Variants in GNB1 observed in about 807,000 individuals in gnomAD.
The protein encoded by GNB1 is guanine nucleotide-binding protein G(I)/G(S)/G(T) subunit beta-1.
Under a neutral mutation model 42.9 loss-of-function variants are expected in GNB1, and 2 were observed. That is an observed-to-expected ratio of 0.05 (90% CI 0.02 to 0.15). The LOEUF is 0.15. Among genes scored for constraint, GNB1 ranks in the 10% least tolerant of loss-of-function variants. The pLI is 1.00. For missense variants in GNB1, 193 were observed against 462.2 expected (o/e 0.42, Z 5.34); for synonymous variants, 183 against 174.7 (o/e 1.05, Z -0.38).
chr1:1,840,530 AAC>A (rs1256014597), intron 1 of GNB1, among the ~76,000 whole-genome samples: 1 of 152,250 alleles, frequency 6.6e-6, no homozygotes, highest in Non-Finnish European at 1.5e-5. Context: ...TCTGTCTCAA[AAC>A]ACACACGCAC....
chr1:1,844,064 G>A (rs906206780), intron 1 of GNB1, among the ~76,000 whole-genome samples: 2 of 151,882 alleles, frequency 1.3e-5, no homozygotes, highest in Admixed American at 6.6e-5. Flanking sequence ...GCGTGGTGGC[G>A]GGTGCCTGTA....
At chr1:1,862,507 C>T (rs1648689339) in intron 1 of GNB1, among the ~76,000 whole-genome samples, 1 of 151,584 alleles carries the variant, frequency 6.6e-6, no homozygotes, top group African/African-American at 2.4e-5. Context: ...CGTTCAGTTG[C>T]CCAGGCTGGA....
At chr1:1,800,753 TAAA>T (rs943269814) in intron 7 of GNB1, among the ~76,000 whole-genome samples, 1 of 115,320 alleles carries the variant, frequency 8.7e-6, no homozygotes, top group Admixed American at 8.9e-5. Flanking sequence ...TTTAGATTGT[TAAA>T]AAAAAAAAAA....
chr1:1,869,868 CT>C (rs1027990931), intron 1 of GNB1, among the ~76,000 whole-genome samples: 1 of 151,502 alleles, frequency 6.6e-6, no homozygotes, highest in Admixed American at 6.6e-5. Flanking sequence ...ACAATCTTTT[CT>C]TTTTTTTTCT....
chr1:1,815,698 G>A, intron 5 of GNB1, 58 bp downstream of exon 5: 2 of 922,340 alleles, frequency 2.2e-6, no homozygotes, highest in South Asian at 1.3e-5. Flanking sequence ...TTTTCCCCTA[G>A]GACAACAGAG....
At chr1:1,836,850 T>C (rs1647157100) in intron 2 of GNB1, among the ~76,000 whole-genome samples, 1 of 145,066 alleles carries the variant, frequency 6.9e-6, no homozygotes, top group African/African-American at 2.6e-5. Context: ...CGTGCCCGAC[T>C]GCTAACTTTT....
chr1:1,857,121 C>T (rs1032635104), intron 1 of GNB1, among the ~76,000 whole-genome samples: 1 of 152,154 alleles, frequency 6.6e-6, no homozygotes, highest in African/African-American at 2.4e-5. Context: ...ATCATTAATT[C>T]TAGAAATGGA....
intron 3 of GNB1, among the ~76,000 whole-genome samples, chr1:1,821,243 T>A (rs150707119): frequency 1.7e-3 from 264 of 152,346 alleles, no homozygotes; most frequent in African/African-American, 6.1e-3. Flanking sequence ...TCCCTTGCAC[T>A]GGCTGGCATG....
chr1:1,834,726 T>C (rs1310651453), intron 2 of GNB1, among the ~76,000 whole-genome samples: 2 of 147,848 alleles, frequency 1.4e-5, no homozygotes, highest in African/African-American at 2.5e-5. Context: ...TGGAGTGCAG[T>C]GGTGCGATCT....
intron 6 of GNB1, among the ~76,000 whole-genome samples, chr1:1,805,278 T>A (rs1646681728): frequency 6.6e-6 from 1 of 151,932 alleles, no homozygotes; most frequent in Admixed American, 6.6e-5. Flanking sequence ...GGCCTCAAAT[T>A]GGTGAAACCC....
intron 1 of GNB1, among the ~76,000 whole-genome samples, chr1:1,845,051 T>C (rs749828585): frequency 3.9e-5 from 6 of 152,140 alleles, no homozygotes; most frequent in Non-Finnish European, 8.8e-5. Context: ...CTATATATGA[T>C]CATACTAATA....
chr1:1,807,301 A>G (rs113895228), intron 5 of GNB1, among the ~76,000 whole-genome samples: 2,376 of 151,682 alleles, frequency 0.016, 64 homozygotes, highest in African/African-American at 0.054. Context: ...TCTCCACTAC[A>G]AAAACACAAA....
intron 1 of GNB1, among the ~76,000 whole-genome samples, chr1:1,876,234 T>C (rs1649537955): frequency 6.6e-6 from 1 of 152,184 alleles, no homozygotes; most frequent in African/African-American, 2.4e-5. Flanking sequence ...TAACATTGTG[T>C]CATTTCTGAA....
chr1:1,823,242 GAAAAAAAAAAA>G (rs745874003), intron 3 of GNB1, among the ~76,000 whole-genome samples: 389 of 36,864 alleles, frequency 0.011, 6 homozygotes, highest in African/African-American at 0.032. Context: ...ACTGTCTCCA[GAAAAAAAAAAA>G]AAAAAAAAAA....
At position 1,790,533 on chromosome 1, in the gene GNB1, G is replaced by C; in HGVS notation, c.561C>G (p.Val187=). 6.2e-7 allele frequency: 1 copy of C among 1,613,564 alleles called. No homozygotes were observed. Among genetic ancestry groups the C allele is most frequent in the South Asian group, 1.1e-5 (1 of 91,066 alleles). The stretch of plus-strand genomic sequence containing the variant: ...TGTCAGGAGCAAGAGAAAGGCTCAT[G>C]ACATCTCCAGTGTGTCCGGTAAACG... ...TTTFTGHTGD[V]MSLSLAPDTR... The change falls in exon 9 of 12, where the codon GTC becomes GTG. Residue 187 remains valine (V), a synonymous_variant. Transcript: ENST00000378609. This position sits in a 1 kb window ranked among gnomAD's most constrained non-coding sequence, Gnocchi z 5.4.
At chr1:1,857,948 A>T (rs1648397568) in intron 1 of GNB1, among the ~76,000 whole-genome samples, 1 of 152,192 alleles carries the variant, frequency 6.6e-6, no homozygotes, top group African/African-American at 2.4e-5. Flanking sequence ...CTGTACCGTG[A>T]TATTTTATGG....
chr1:1,853,170 T>A (rs1648084916), intron 1 of GNB1, among the ~76,000 whole-genome samples: 2 of 152,144 alleles, frequency 1.3e-5, no homozygotes, highest in Non-Finnish European at 2.9e-5. Context: ...CCTGGCCCGT[T>A]ACTAATCTGT....
At chr1:1,820,279 A>T (rs1646914314) in intron 3 of GNB1, among the ~76,000 whole-genome samples, 1 of 149,716 alleles carries the variant, frequency 6.7e-6, no homozygotes, top group Non-Finnish European at 1.5e-5. Context: ...AATCGCTTGA[A>T]CCTGGGAGGC....
chr1:1,798,436 C>T (rs953802093), intron 7 of GNB1, among the ~76,000 whole-genome samples: 1 of 152,194 alleles, frequency 6.6e-6, no homozygotes, highest in African/African-American at 2.4e-5. Flanking sequence ...AGACACCGTG[C>T]CTAAAAATGC....
Sources: gnomAD v4.1 joint callset for allele counts (sites outside exome capture counted in the v4.1 genomes callset) on GRCh38, gnomAD v4.1.1 for gene constraint, Gnocchi (gnomAD v3.1) non-coding constraint, MANE v1.5 for transcripts, NCBI Gene and HGNC (gene_info 2026-07-23, HGNC 2026-07-21) for gene names.